INTS1: variants seen among roughly 807,000 people sequenced by gnomAD.
The protein encoded by INTS1 is integrator complex subunit 1.
Under a neutral mutation model 241.6 loss-of-function variants are expected in INTS1, and 137 were observed. The ratio of observed to expected loss-of-function variants is 0.57; its 90% CI spans 0.49 to 0.65. INTS1 has a LOEUF of 0.65. Ranked by LOEUF, INTS1 falls within the 30% of genes least tolerant of loss-of-function variation. The pLI is 0.00. For synonymous variants in INTS1, 1,692 were observed against 1,337.8 expected (o/e 1.26, Z -5.78); for missense variants, 3,073 against 3,032.2 (o/e 1.01, Z -0.32).
intron 18 of INTS1, among the ~76,000 whole-genome samples, chr7:1,488,608 C>A (rs994730191): frequency 6.6e-6 from 1 of 152,134 alleles, no homozygotes; most frequent in Admixed American, 6.5e-5. Context: ...CCCAAACGTA[C>A]CCGATCCCAA....
chr7:1,493,219 A>G lies in INTS1; in HGVS notation c.2069-113T>C, dbSNP rs1318982190. 2.6e-5 allele frequency: 11 copies of G among 428,936 alleles called. No homozygotes were observed. Among genetic ancestry groups the G allele is most frequent in the South Asian group, 4.0e-5 (2 of 49,868 alleles). 26.6% of individuals were successfully genotyped at this position (428,936 alleles called of 1,614,324 possible). A position where few individuals can be genotyped will look rare whatever the true frequency, so the allele number is the denominator to read the frequency against. On this transcript the variant is annotated intron_variant, in intron 15 of 47. Transcript: ENST00000404767. This position sits in a 1 kb window ranked among gnomAD's most constrained non-coding sequence, Gnocchi z 5.3. ...GTCGGGGTGGGGTGGGGGATGCCGCAGGGTGGGGCGCAGGCCTGAGCAGGA... is the reference window on the plus strand; with the variant it reads ...GTCGGGGTGGGGTGGGGGATGCCGCGGGGTGGGGCGCAGGCCTGAGCAGGA...
In INTS1 at chr7:1,476,359, C is replaced by A. The variant is rs757832597; in HGVS notation, c.5248G>T (p.Gly1750Trp). ...LAEAETRSQD[G>W]DTAACSLIQA... ...ATGAGGCTGCAGGCGGCTGTGTCCC[C>A]GTCCTGGCTCCGCGTCTCCGCCTCG... Residue 1750 changes from glycine (G) to tryptophan (W), a missense_variant, in exon 38 of 48, where the codon GGG becomes TGG. Coordinates refer to ENST00000404767, the MANE Select transcript of INTS1 (RefSeq NM_001080453.3). The A allele has an allele frequency of 6.3e-7, 1 of 1,576,804 alleles. No individual in the cohort carries two copies. Among genetic ancestry groups the A allele is most frequent in the Non-Finnish European group, 8.6e-7 (1 of 1,164,886 alleles).
At chr7:1,483,977 C>T in intron 25 of INTS1, 26 bp downstream of exon 25, 7 of 1,596,984 alleles carry the variant, frequency 4.4e-6, no homozygotes, top group Non-Finnish European at 5.1e-6. Flanking sequence ...TCGCCCTCAC[C>T]CGGCCGTAGA....
chr7:1,480,140 G>A (rs1781926711), intron 30 of INTS1, among the ~76,000 whole-genome samples, 177 bp downstream of exon 30: 1 of 152,288 alleles, frequency 6.6e-6, no homozygotes, highest in Non-Finnish European at 1.5e-5. Flanking sequence ...GGGGTGTTAC[G>A]TGAAAGCAGC....
In INTS1 at chr7:1,497,072, C is replaced by T. The variant is rs1296025976; in HGVS notation, c.1602+66G>A. The T allele has an allele frequency of 4.8e-6, 7 of 1,468,774 alleles. No individual in the cohort carries two copies. Among genetic ancestry groups the T allele is most frequent in the African/African-American group, 1.4e-5 (1 of 71,774 alleles). 91.0% of individuals were successfully genotyped at this position (1,468,774 alleles called of 1,614,324 possible). A position where few individuals can be genotyped will look rare whatever the true frequency, so the allele number is the denominator to read the frequency against. The stretch of plus-strand genomic sequence containing the variant: ...GGTGGAGTGTGCATGGGACCCAGGA[C>T]GAGGGGGATGGCGGCGCGTGGAACC... On this transcript the variant is annotated intron_variant, in intron 11 of 47. Transcript: ENST00000404767. The surrounding 1 kb of genome is among the most constrained non-coding windows in gnomAD (Gnocchi z 5.3).
chr7:1,474,242 G>GCAGCAGCTC lies in INTS1; in HGVS notation c.5746_5754dup (p.Glu1916_Leu1918dup). ...TGCTCGCTGCGGAACACGTGCGGCT[G>GCAGCAGCTC]CAGCAGCTCCAGCAGGCCCAGCACG... On this transcript the variant is annotated inframe_insertion, in exon 41 of 48. Coordinates refer to ENST00000404767, the MANE Select transcript of INTS1 (RefSeq NM_001080453.3). 6.2e-7 allele frequency: 1 copy of GCAGCAGCTC among 1,604,198 alleles called. No individual in the cohort carries two copies. Among genetic ancestry groups the GCAGCAGCTC allele is most frequent in the Non-Finnish European group, 8.5e-7 (1 of 1,177,000 alleles).
intron 11 of INTS1, among the ~76,000 whole-genome samples, 188 bp downstream of exon 11, chr7:1,496,950 C>T (rs1392811727): frequency 2.6e-5 from 4 of 152,166 alleles, no homozygotes; most frequent in African/African-American, 9.7e-5. Context: ...CCTCATAGGT[C>T]CTCACACAGG....
Position 1,470,387 on chromosome 7 carries a change from CCT to C in INTS1, c.*188_*189del, listed in dbSNP as rs1177766618. 1.3e-5 allele frequency: 7 copies of C among 526,012 alleles called. No individual in the cohort carries two copies. Among genetic ancestry groups the C allele is most frequent in the Admixed American group, 7.4e-5 (2 of 26,864 alleles). 32.6% of individuals were successfully genotyped at this position (526,012 alleles called of 1,614,324 possible). ...GTGAATGAGGGCTTGCTGGACGGCC[CCT>C]GATGCCAGCGGCCGGCCCGGAGCCA... On this transcript the variant is annotated 3_prime_UTR_variant, in exon 48 of 48. Coordinates refer to ENST00000404767, the MANE Select transcript of INTS1 (RefSeq NM_001080453.3).
chr7:1,477,050 C>T (rs769717803), intron 35 of INTS1, 132 bp from the exon 36 acceptor site: 144 of 1,158,952 alleles, frequency 1.2e-4, no homozygotes, highest in Non-Finnish European at 1.6e-4. Context: ...ACACCGGCCC[C>T]GTCATGGTGC....
At chr7:1,500,060 G>GC in intron 4 of INTS1, 39 bp from the exon 5 acceptor site, 1 of 1,604,588 alleles carries the variant, frequency 6.2e-7, no homozygotes, top group Non-Finnish European at 8.5e-7. Context: ...AGCTTCGCTG[G>GC]CCCCAGAGGC....
chr7:1,480,726 G>T, intron 29 of INTS1, 109 bp downstream of exon 29: 1 of 899,238 alleles, frequency 1.1e-6, no homozygotes, highest in African/African-American at 1.7e-5. Context: ...AGTGTGCACT[G>T]CCCTGTGTGG....
chr7:1,498,228 GCACC>G, intron 10 of INTS1, 180 bp downstream of exon 10: 1 of 843,860 alleles, frequency 1.2e-6, no homozygotes, highest in East Asian at 2.7e-5. Context: ...CGCTGTGGCT[GCACC>G]CACTCTAGAA....
Position 1,481,616 on chromosome 7 carries a change from C to T in INTS1, c.3704-128G>A, listed in dbSNP as rs144637523. The T allele has an allele frequency of 1.9e-4, 156 of 816,692 alleles. 5 individuals are homozygous for T. In the East Asian group the frequency reaches 4.2e-3, roughly 22 times the overall value. 50.6% of individuals were successfully genotyped at this position (816,692 alleles called of 1,614,324 possible). A position where few individuals can be genotyped will look rare whatever the true frequency, so the allele number is the denominator to read the frequency against. On this transcript the variant is annotated intron_variant, in intron 27 of 47. Coordinates refer to ENST00000404767, the MANE Select transcript of INTS1 (RefSeq NM_001080453.3). This position sits in a 1 kb window ranked among gnomAD's most constrained non-coding sequence, Gnocchi z 6.8. ...CCTGAGACCCTGGGCCACGTGGGCT[C>T]GGTGACCCCACCCAAGACCTGGGGC... is the stretch of plus-strand genomic sequence containing the variant.
At chr7:1,496,702 A>G (rs995589278) in intron 11 of INTS1, among the ~76,000 whole-genome samples, 4 of 152,152 alleles carry the variant, frequency 2.6e-5, no homozygotes, top group African/African-American at 7.2e-5. Flanking sequence ...CCCCGTCCGC[A>G]AAACAGGCCA....
At position 1,477,797 on chromosome 7, in the gene INTS1, C is replaced by G. The variant is rs914235670; in HGVS notation, c.4770G>C (p.Glu1590Asp). 6.2e-6 allele frequency: 10 copies of G among 1,612,432 alleles called. No individual in the cohort carries two copies. Among genetic ancestry groups the G allele is most frequent in the Admixed American group, 5.0e-5 (3 of 59,988 alleles). Residue 1590 changes from glutamate (E) to aspartate (D), a missense_variant, in exon 34 of 48, where the codon GAG (glutamate) becomes GAC (aspartate). Transcript: ENST00000404767. ...GCTTCCCCCCAGCCAGGGGCTCCTC[C>G]TCCTGCAGCAGCAGGGAGCTCACCA... Reference protein sequence around the residue: ...VVVVSSLLLQEEEPLAGGKPG... With the variant: ...VVVVSSLLLQDEEPLAGGKPG...
Position 1,504,093 on chromosome 7 carries a change from AC to A in INTS1, c.-41-93del, listed in dbSNP as rs60463961. Reference sequence around the variant, plus strand: ...TTGCCGCACGGGGCTTGGGCCTGGGACCCGGGGACAGTGGTCCCGCGCCCGC... The same window carrying A: ...TTGCCGCACGGGGCTTGGGCCTGGGACCGGGGACAGTGGTCCCGCGCCCGC... On this transcript the variant is annotated intron_variant, in intron 1 of 47. Coordinates refer to ENST00000404767, the MANE Select transcript of INTS1 (RefSeq NM_001080453.3). 1,477 of 689,088 alleles carry A rather than the reference AC, an allele frequency of 2.1e-3. 20 individuals carry two copies. In the African/African-American group the frequency reaches 0.025, roughly 12 times the overall value. 42.7% of individuals were successfully genotyped at this position (689,088 alleles called of 1,614,324 possible).
intron 44 of INTS1, 106 bp downstream of exon 44, chr7:1,472,167 C>T (rs1218620056): frequency 1.2e-6 from 1 of 853,244 alleles, no homozygotes. Context: ...CCAGCGTGGG[C>T]CAGGCTCACG....
chr7:1,472,262 G>A lies in INTS1; in HGVS notation c.6184+11C>T, dbSNP rs762500802. ...GCTGACCTGGCGTGGGTGAAGCAGG[G>A]CCTGACTCACCCTCCACCGTTTGGC... On this transcript the variant is annotated intron_variant, in intron 44 of 47. Coordinates refer to ENST00000404767, the MANE Select transcript of INTS1 (RefSeq NM_001080453.3). The A allele has an allele frequency of 6.4e-5, 98 of 1,538,630 alleles. No individual in the cohort carries two copies. Among genetic ancestry groups the A allele is most frequent in the Non-Finnish European group, 8.2e-5 (93 of 1,136,420 alleles).
Position 1,470,520 on chromosome 7 carries a change from G to A in INTS1, c.*57C>T, listed in dbSNP as rs1020020396. The A allele has an allele frequency of 3.5e-5, 47 of 1,351,792 alleles. No individual in the cohort carries two copies. The highest frequency in any genetic ancestry group is 1.2e-4 in the South Asian group (9 of 73,914). The allele number at this position is 1,351,792 out of a possible 1,614,324, so 83.7% of individuals were successfully genotyped here. ...GCCCACGCTTCCTGGGCTTTGCCTC[G>A]AGGATCCCCGGGGACGGGACGGGCC... On this transcript the variant is annotated 3_prime_UTR_variant, in exon 48 of 48. Transcript: ENST00000404767.
Sources: allele counts gnomAD v4.1 joint callset (sites outside exome capture counted in the v4.1 genomes callset), GRCh38; gene constraint gnomAD v4.1.1; non-coding constraint Gnocchi (gnomAD v3.1); transcripts MANE v1.5; gene names NCBI Gene and HGNC (gene_info 2026-07-23, HGNC 2026-07-21).